Variants in DIAPH3 observed in about 807,000 individuals in gnomAD.
DIAPH3 encodes diaphanous related formin 3, also known as protein diaphanous homolog 3.
A neutral mutation model predicts 144.3 loss-of-function variants in DIAPH3; 117 were observed. The observed-to-expected ratio is 0.81, with a 90% CI of 0.70 to 0.95. DIAPH3 has a LOEUF of 0.95. Among genes scored for constraint, DIAPH3 ranks in the 40% least tolerant of loss-of-function variants. The pLI, the probability that DIAPH3 is intolerant of heterozygous loss-of-function variation, is 0.00. For synonymous variants in DIAPH3, 519 were observed against 488.9 expected (o/e 1.06, Z -0.81); for missense variants, 1,421 against 1,412.7 (o/e 1.01, Z -0.09).
intron 4 of DIAPH3, among the ~76,000 whole-genome samples, chr13:60,051,430 G>T (rs1326450536): frequency 6.6e-6 from 1 of 152,026 alleles, no homozygotes; most frequent in Non-Finnish European, 1.5e-5. Flanking sequence ...GACCAGCCTG[G>T]CCAACATGTC....
At chr13:59,814,221 G>T (rs972519312) in intron 24 of DIAPH3, among the ~76,000 whole-genome samples, 1 of 152,058 alleles carries the variant, frequency 6.6e-6, no homozygotes, top group Non-Finnish European at 1.5e-5. Flanking sequence ...AGATATAATT[G>T]CCACACCCTT....
intron 3 of DIAPH3, among the ~76,000 whole-genome samples, chr13:60,099,975 A>AAG (rs1566771319): frequency 2.9e-5 from 4 of 137,272 alleles, no homozygotes; most frequent in East Asian, 2.2e-4. Flanking sequence ...AAGGAAGGAA[A>AAG]GTCAAAAGGA....
At chr13:60,154,212 T>C (rs2138425945) in intron 1 of DIAPH3, among the ~76,000 whole-genome samples, 1 of 152,276 alleles carries the variant, frequency 6.6e-6, no homozygotes, top group South Asian at 2.1e-4. Flanking sequence ...TTACTACTAA[T>C]GATAACAAAA....
chr13:59,691,301 G>A (rs182281236), intron 27 of DIAPH3, among the ~76,000 whole-genome samples: 2 of 152,228 alleles, frequency 1.3e-5, no homozygotes, highest in Non-Finnish European at 2.9e-5. Context: ...AAGAATTTCT[G>A]CTTACTCATA....
chr13:60,026,735 T>C (rs1317064725), intron 5 of DIAPH3, among the ~76,000 whole-genome samples: 1 of 152,210 alleles, frequency 6.6e-6, no homozygotes, highest in Non-Finnish European at 1.5e-5. Flanking sequence ...TGTCTCTCTC[T>C]CTCTCTCCTC....
intron 25 of DIAPH3, among the ~76,000 whole-genome samples, chr13:59,809,114 C>T (rs989036448): frequency 3.3e-5 from 5 of 152,176 alleles, no homozygotes; most frequent in African/African-American, 1.2e-4. Context: ...TACTGAGACA[C>T]TCTGTGTGAT....
At chr13:60,066,409 A>C (rs1388410956) in intron 4 of DIAPH3, among the ~76,000 whole-genome samples, 1 of 152,188 alleles carries the variant, frequency 6.6e-6, no homozygotes, top group African/African-American at 2.4e-5. Flanking sequence ...ACTTAAATAC[A>C]GTGGTGTTGC....
At chr13:60,119,251 A>T (rs1406080078) in intron 2 of DIAPH3, among the ~76,000 whole-genome samples, 1 of 152,246 alleles carries the variant, frequency 6.6e-6, no homozygotes, top group Non-Finnish European at 1.5e-5. Context: ...AAAGAACATG[A>T]CAAAGAATTG....
intron 2 of DIAPH3, among the ~76,000 whole-genome samples, chr13:60,115,541 C>T (rs564607982): frequency 2.6e-4 from 39 of 152,142 alleles, no homozygotes; most frequent in Middle Eastern, 6.8e-3. Flanking sequence ...ATATAGTGTG[C>T]GGTACAGTTA....
At chr13:59,713,136 G>A (rs1401684476) in intron 27 of DIAPH3, among the ~76,000 whole-genome samples, 1 of 152,074 alleles carries the variant, frequency 6.6e-6, no homozygotes, top group Non-Finnish European at 1.5e-5. Context: ...TGTGGCCTGG[G>A]GGTTGTGGAC....
intron 18 of DIAPH3, among the ~76,000 whole-genome samples, chr13:59,920,065 CA>C (rs1178070304): frequency 1.3e-5 from 2 of 151,312 alleles, no homozygotes; most frequent in South Asian, 2.1e-4. Context: ...AAATTAAAAG[CA>C]AAAAAATCAA....
chr13:59,982,673 T>C (rs1253860144), intron 13 of DIAPH3, among the ~76,000 whole-genome samples: 2 of 151,622 alleles, frequency 1.3e-5, no homozygotes, highest in South Asian at 2.1e-4. Context: ...TCTTAAACAG[T>C]AGTTACAATG....
chr13:59,964,796 G>A (rs2049959646), intron 17 of DIAPH3, among the ~76,000 whole-genome samples: 1 of 152,064 alleles, frequency 6.6e-6, no homozygotes, highest in Non-Finnish European at 1.5e-5. Context: ...TTCAGCCACA[G>A]ACAAGAACCA....
At chr13:59,861,165 T>G in intron 22 of DIAPH3, 1 of 1,341,110 alleles carries the variant, frequency 7.5e-7, no homozygotes, top group Non-Finnish European at 9.8e-7. Context: ...ATCTACAAGG[T>G]TTAAACTGTA....
Position 60,080,907 on chromosome 13 carries a change from T to A in DIAPH3, c.495+12721A>T, listed in dbSNP as rs531542131. ...ACAGAAGGTGATAAAAACTCTTAGA[T>A]GCCTATGAACTCAATTTACATGGAG... On this transcript the variant is annotated intron_variant, in intron 4 of 27. Coordinates refer to ENST00000400324, the MANE Select transcript of DIAPH3 (RefSeq NM_001042517.2). Among the ~76,000 whole-genome samples the A allele has an allele frequency of 2.9e-4, 44 of 152,128 alleles. 2 individuals carry two copies. In the South Asian group the frequency reaches 6.0e-3, roughly 21 times the overall value.
At chr13:59,738,119 A>G (rs1312585723) in intron 27 of DIAPH3, among the ~76,000 whole-genome samples, 4 of 152,328 alleles carry the variant, frequency 2.6e-5, no homozygotes, top group Admixed American at 2.6e-4. Context: ...GTGAGCTGAG[A>G]TCACGCCACT....
intron 22 of DIAPH3, among the ~76,000 whole-genome samples, chr13:59,850,096 C>T (rs1016888251): frequency 2.0e-5 from 3 of 150,740 alleles, no homozygotes; most frequent in Non-Finnish European, 3.0e-5. Context: ...AATGGGAGTT[C>T]ACTCATGATT....
intron 5 of DIAPH3, among the ~76,000 whole-genome samples, chr13:60,032,168 C>T (rs2054849305): frequency 2.0e-5 from 3 of 152,200 alleles, no homozygotes; most frequent in African/African-American, 7.2e-5. Flanking sequence ...CCCACAGCTG[C>T]TCTCAGATGC....
At chr13:60,093,093 T>C (rs1241985532) in intron 4 of DIAPH3, among the ~76,000 whole-genome samples, 1 of 152,236 alleles carries the variant, frequency 6.6e-6, no homozygotes, top group African/African-American at 2.4e-5. Flanking sequence ...TCATGGTTTC[T>C]TAGACATTTA....
Sources: allele counts gnomAD v4.1 joint callset (sites outside exome capture counted in the v4.1 genomes callset), GRCh38; gene constraint gnomAD v4.1.1; transcripts MANE v1.5; gene names NCBI Gene and HGNC (gene_info 2026-07-23, HGNC 2026-07-21).